TDRD3: variants seen among roughly 807,000 people sequenced by gnomAD.
TDRD3 encodes tudor domain-containing protein 3.
TDRD3 carries 45 observed loss-of-function variants against 86.7 expected under a neutral mutation model. The ratio of observed to expected loss-of-function variants is 0.52; its 90% CI spans 0.41 to 0.67. The LOEUF is 0.67. TDRD3 is among the 30% of genes least tolerant of loss of function. The pLI is 0.00. For missense variants in TDRD3, 814 were observed against 889.0 expected, an observed-to-expected ratio of 0.92 and a Z score of 1.07; for synonymous variants, 298 against 301.7, an observed-to-expected ratio of 0.99 and a Z score of 0.13.
intron 12 of TDRD3, among the ~76,000 whole-genome samples, chr13:60,539,908 A>C (rs747296272): frequency 6.6e-6 from 1 of 152,116 alleles, no homozygotes; most frequent in African/African-American, 2.4e-5. Flanking sequence ...ATTAGGCTCC[A>C]TCTAGTTTTA....
At chr13:60,561,422 T>C (rs1197497471) in intron 12 of TDRD3, among the ~76,000 whole-genome samples, 1 of 152,142 alleles carries the variant, frequency 6.6e-6, no homozygotes, top group Non-Finnish European at 1.5e-5. Flanking sequence ...GTTGGGTTTT[T>C]AATTTCTGTG....
At chr13:60,503,784 C>G (rs1040919017) in intron 8 of TDRD3, among the ~76,000 whole-genome samples, 4 of 152,168 alleles carry the variant, frequency 2.6e-5, no homozygotes, top group Non-Finnish European at 5.9e-5. Context: ...AAGGCAAAAG[C>G]CTTTCATTAG....
At chr13:60,571,392 T>TA (rs1566316093) in intron 13 of TDRD3, among the ~76,000 whole-genome samples, 1 of 152,062 alleles carries the variant, frequency 6.6e-6, no homozygotes, top group Non-Finnish European at 1.5e-5. Context: ...CTTAAACATC[T>TA]AAAAAAAGAT....
At chr13:60,527,042 C>T (rs1054640968) in intron 10 of TDRD3, among the ~76,000 whole-genome samples, 2 of 152,054 alleles carry the variant, frequency 1.3e-5, no homozygotes, top group African/African-American at 4.8e-5. Context: ...ACCATGTTGC[C>T]CAGGGTGGTC....
At chr13:60,513,636 A>G (rs1243392758) in intron 10 of TDRD3, among the ~76,000 whole-genome samples, 1 of 152,180 alleles carries the variant, frequency 6.6e-6, no homozygotes, top group Non-Finnish European at 1.5e-5. Flanking sequence ...TAATTGAATC[A>G]TGAGGGCAAG....
chr13:60,465,881 T>C (rs1955912265), intron 4 of TDRD3, among the ~76,000 whole-genome samples: 1 of 152,170 alleles, frequency 6.6e-6, no homozygotes, highest in African/African-American at 2.4e-5. Flanking sequence ...TCTTGCTGTA[T>C]GTGAGAAGAG....
At chr13:60,567,435 ATAT>A (rs1958485931) in intron 12 of TDRD3, 87 bp from the exon 13 acceptor site, 1 of 1,548,792 alleles carries the variant, frequency 6.5e-7, no homozygotes. Context: ...CTTAAGAGAG[ATAT>A]TATTAAAATA....
chr13:60,456,204 C>G (rs965226274), intron 3 of TDRD3, among the ~76,000 whole-genome samples: 1 of 151,962 alleles, frequency 6.6e-6, no homozygotes, highest in African/African-American at 2.4e-5. Flanking sequence ...AGAATTAGTC[C>G]CCTGTCATCC....
In TDRD3 at chr13:60,528,797, A is replaced by G; in HGVS notation, c.1572A>G (p.Gly524=). 1 of 1,613,956 alleles carries G rather than the reference A, an allele frequency of 6.2e-7. No homozygotes were observed. The highest frequency in any genetic ancestry group is 8.5e-7 in the Non-Finnish European group (1 of 1,179,912). Residue 524 remains glycine (G), a synonymous_variant, in exon 11 of 14, where the codon GGA becomes GGG. Transcript: ENST00000377881. ...AEAKENPLPQ[G]SVDYNNQKRG... is the part of the protein sequence containing the mutation. ...CAAAAGAAAATCCACTTCCTCAAGG[A>G]TCTGTAGATTATAATAATCAAAAAC...
At chr13:60,547,948 A>AT (rs1277615438) in intron 12 of TDRD3, among the ~76,000 whole-genome samples, 1 of 152,180 alleles carries the variant, frequency 6.6e-6, no homozygotes, top group African/African-American at 2.4e-5. Context: ...GAGGAGAAAG[A>AT]TTTTGGCAGA....
At position 60,563,936 on chromosome 13, in the gene TDRD3, G is replaced by A. The variant is rs920934095; in HGVS notation, c.2119-3589G>A. 3.3e-5 allele frequency among the ~76,000 whole-genome samples: 5 copies of A among 152,290 alleles called. No homozygotes were observed. The South Asian group carries it at 8.3e-4, about 25-fold the overall frequency. ...AAAACGCAGTTGTAACTTGTCAAAC[G>A]CACATTATAGATGAAGTTGTGTATC... On this transcript the variant is annotated intron_variant, in intron 12 of 13. Coordinates refer to ENST00000377881, the MANE Select transcript of TDRD3 (RefSeq NM_001146070.2).
intron 11 of TDRD3, among the ~76,000 whole-genome samples, chr13:60,531,513 G>A (rs1316263202): frequency 2.0e-5 from 3 of 152,114 alleles, no homozygotes; most frequent in Admixed American, 6.5e-5. Context: ...GATAATGTGG[G>A]GTTACTGGTG....
intron 8 of TDRD3, 175 bp from the exon 9 acceptor site, chr13:60,509,588 C>A: frequency 1.3e-6 from 1 of 753,146 alleles, no homozygotes; most frequent in Non-Finnish European, 2.2e-6. Context: ...CCCCACATAT[C>A]ATACAGATTC....
chr13:60,517,210 G>A (rs375846270), intron 10 of TDRD3, among the ~76,000 whole-genome samples: 1 of 151,308 alleles, frequency 6.6e-6, no homozygotes, highest in African/African-American at 2.4e-5. Context: ...CAAGTTTCAG[G>A]TCACTTTGGA....
At chr13:60,501,945 A>T (rs1956843301) in intron 8 of TDRD3, among the ~76,000 whole-genome samples, 1 of 152,192 alleles carries the variant, frequency 6.6e-6, no homozygotes, top group South Asian at 2.1e-4. Context: ...AATTACACAA[A>T]ATACTATAGC....
chr13:60,549,582 GTGTGCACGTGTA>G lies in TDRD3; in HGVS notation c.2118+14360_2118+14371del, dbSNP rs144047424. 5.4e-4 allele frequency among the ~76,000 whole-genome samples: 82 copies of G among 152,252 alleles called. 4 individuals are homozygous for G. In the East Asian group the frequency reaches 0.015, roughly 28 times the overall value. On this transcript the variant is annotated intron_variant, in intron 12 of 13. Coordinates refer to ENST00000377881, the MANE Select transcript of TDRD3 (RefSeq NM_001146070.2). The stretch of plus-strand genomic sequence containing the variant: ...CTTGAGCATTCTAAGACACGTGTGT[GTGTGCACGTGTA>G]TGTGCACGTGGACAAACGTGAGAGA...
At chr13:60,499,405 G>A (rs763630921) in intron 8 of TDRD3, among the ~76,000 whole-genome samples, 1 of 152,210 alleles carries the variant, frequency 6.6e-6, no homozygotes, top group African/African-American at 2.4e-5. Flanking sequence ...CTCCATTCTG[G>A]TCCATAAGGT....
chr13:60,462,378 CT>C (rs1226841323), intron 4 of TDRD3, among the ~76,000 whole-genome samples: 1 of 152,188 alleles, frequency 6.6e-6, no homozygotes, highest in East Asian at 1.9e-4. Context: ...TTTATTGCAG[CT>C]TGAAAACTGA....
At chr13:60,410,101 G>A (rs544954026) in intron 1 of TDRD3, among the ~76,000 whole-genome samples, 376 of 152,154 alleles carry the variant, frequency 2.5e-3, no homozygotes, top group Non-Finnish European at 3.6e-3. Flanking sequence ...TCTTGCCATC[G>A]CCATGAAAGA....
Sources: allele counts gnomAD v4.1 joint callset (sites outside exome capture counted in the v4.1 genomes callset), GRCh38; gene constraint gnomAD v4.1.1; transcripts MANE v1.5; gene names NCBI Gene and HGNC (gene_info 2026-07-23, HGNC 2026-07-21).